Variants in SULT4A1 observed in about 807,000 individuals in gnomAD.
The protein encoded by SULT4A1 is sulfotransferase 4A1.
In SULT4A1, 11 loss-of-function variants were observed where a neutral mutation model predicts 35.2. The ratio of observed to expected loss-of-function variants is 0.31; its 90% CI spans 0.20 to 0.52. The LOEUF (loss-of-function observed/expected upper bound fraction) is 0.52, where lower values mean the gene tolerates loss of function less well. SULT4A1 is among the 20% of genes least tolerant of loss of function. The pLI is 0.97. For missense variants in SULT4A1, 271 were observed against 383.7 expected, an observed-to-expected ratio of 0.71 and a Z score of 2.45; for synonymous variants, 152 against 151.8, an observed-to-expected ratio of 1.00 and a Z score of -0.01.
chr22:43,834,056 A>G (rs1388204637), intron 4 of SULT4A1, among the ~76,000 whole-genome samples: 2 of 152,150 alleles, frequency 1.3e-5, no homozygotes, highest in African/African-American at 4.8e-5. Context: ...GAAGCCCTGG[A>G]ACAAAGCCCA....
At chr22:43,850,988 A>T (rs2063506957) in intron 1 of SULT4A1, among the ~76,000 whole-genome samples, 1 of 151,978 alleles carries the variant, frequency 6.6e-6, no homozygotes. Flanking sequence ...AGCTCTGAAC[A>T]TTCTGAAAAT....
At chr22:43,829,985 T>C (rs1233728006) in intron 5 of SULT4A1, among the ~76,000 whole-genome samples, 1 of 152,200 alleles carries the variant, frequency 6.6e-6, no homozygotes, top group Non-Finnish European at 1.5e-5. Context: ...TTCGGAAACC[T>C]TAAAAGACAA....
rs549718900 is a variant in SULT4A1 at position 43,854,614 on chromosome 22, T to TG, written c.169+7599dup. 5.3e-5 allele frequency among the ~76,000 whole-genome samples: 8 copies of TG among 152,284 alleles called. No individual in the cohort carries two copies. In the South Asian group the frequency reaches 1.7e-3, roughly 32 times the overall value. On this transcript the variant is annotated intron_variant, in intron 1 of 6. Transcript: ENST00000330884. ...GCTTCTGACCTCAAGCACCTGCACC[T>TG]GCTTCCCACCTGGCCACAGAGGAAC...
chr22:43,859,315 C>T (rs1398014484), intron 1 of SULT4A1, among the ~76,000 whole-genome samples: 1 of 152,238 alleles, frequency 6.6e-6, no homozygotes, highest in Non-Finnish European at 1.5e-5. Flanking sequence ...AACCAGGTGG[C>T]TCACCCACGC....
At chr22:43,861,956 A>G (rs1393247490) in intron 1 of SULT4A1, among the ~76,000 whole-genome samples, 1 of 152,180 alleles carries the variant, frequency 6.6e-6, no homozygotes, top group African/African-American at 2.4e-5. Context: ...AATAGGCTCC[A>G]TCTCCACGGA....
At position 43,841,902 on chromosome 22, in the gene SULT4A1, A is replaced by G; in HGVS notation, c.200T>C (p.Leu67Ser). 1 of 1,613,672 alleles carries G rather than the reference A, an allele frequency of 6.2e-7. No individual in the cohort carries two copies. Among genetic ancestry groups the G allele is most frequent in the Non-Finnish European group, 8.5e-7 (1 of 1,179,752 alleles). Reference protein sequence around the residue: ...GTSLLQEVVYLVSQGADPDEI... With the variant: ...GTSLLQEVVYSVSQGADPDEI... ...ATCGGGGTCAGCGCCCTGGCTCACC[A>G]AGTAGACCACCTCCTGCAGCAAGCT... is the stretch of plus-strand genomic sequence containing the variant. Residue 67 changes from leucine to serine, a missense_variant, in exon 2 of 7, where the codon TTG becomes TCG. Transcript: ENST00000330884.
chr22:43,835,804 G>C (rs1413160961), intron 4 of SULT4A1, among the ~76,000 whole-genome samples: 1 of 152,230 alleles, frequency 6.6e-6, no homozygotes, highest in African/African-American at 2.4e-5. Flanking sequence ...GGGAAATAGT[G>C]TGAGGACTCT....
At chr22:43,841,713 A>C in intron 2 of SULT4A1, 89 bp downstream of exon 2, 1 of 1,534,432 alleles carries the variant, frequency 6.5e-7, no homozygotes. Flanking sequence ...TAATCCACAG[A>C]GCCCCCAGGA....
intron 6 of SULT4A1, chr22:43,827,451 T>C: frequency 8.1e-7 from 1 of 1,229,290 alleles, no homozygotes; most frequent in Non-Finnish European, 1.0e-6. Flanking sequence ...GCAACCAAAC[T>C]ATTTTTCCAT....
rs577077122 is a variant in SULT4A1 at position 43,832,712 on chromosome 22, G to A, written c.603+928C>T. On this transcript the variant is annotated intron_variant, in intron 5 of 6. Coordinates refer to ENST00000330884, the MANE Select transcript of SULT4A1 (RefSeq NM_014351.4). ...CACAAGGCACAGCCCCCACCCCAGC[G>A]CCATAGGGGACCTCGTGTGGCTCTG... Among the ~76,000 whole-genome samples the A allele has an allele frequency of 3.9e-5, 6 of 152,176 alleles. No individual in the cohort carries two copies. In the South Asian group the frequency reaches 1.2e-3, roughly 32 times the overall value.
chr22:43,862,140 C>T (rs1301555616), intron 1 of SULT4A1, 74 bp downstream of exon 1: 5 of 1,212,936 alleles, frequency 4.1e-6, no homozygotes, highest in Non-Finnish European at 5.2e-6. Flanking sequence ...GCCCCGGGCG[C>T]GGGCGCGGCG....
intron 1 of SULT4A1, among the ~76,000 whole-genome samples, 198 bp downstream of exon 1, chr22:43,862,016 A>G (rs2148314548): frequency 6.6e-6 from 1 of 152,244 alleles, no homozygotes; most frequent in South Asian, 2.1e-4. Flanking sequence ...GATGAGAACC[A>G]AGCCCCTTCC....
intron 1 of SULT4A1, among the ~76,000 whole-genome samples, chr22:43,850,629 G>A (rs1271943663): frequency 6.6e-6 from 1 of 152,142 alleles, no homozygotes; most frequent in African/African-American, 2.4e-5. Context: ...CTGAGTGAAC[G>A]GCCTGGCATG....
At chr22:43,860,577 G>A (rs1260249151) in intron 1 of SULT4A1, among the ~76,000 whole-genome samples, 3 of 152,100 alleles carry the variant, frequency 2.0e-5, no homozygotes, top group South Asian at 4.1e-4. Context: ...CCGCAAAACT[G>A]CATTCAAACC....
At chr22:43,850,352 G>A (rs1375156814) in intron 1 of SULT4A1, among the ~76,000 whole-genome samples, 1 of 152,224 alleles carries the variant, frequency 6.6e-6, no homozygotes, top group Non-Finnish European at 1.5e-5. Flanking sequence ...GTCGCAGCAC[G>A]ATTTTGGATT....
intron 5 of SULT4A1, among the ~76,000 whole-genome samples, chr22:43,831,778 C>T (rs1211851060): frequency 6.6e-6 from 1 of 152,250 alleles, no homozygotes; most frequent in Non-Finnish European, 1.5e-5. Context: ...ACCGCGGTGG[C>T]CTCTGGGAAG....
intron 6 of SULT4A1, chr22:43,826,476 T>C: frequency 1.0e-6 from 1 of 985,318 alleles, no homozygotes; most frequent in African/African-American, 1.7e-5. Flanking sequence ...GTGGCAGGTG[T>C]TTAATAAACA....
At chr22:43,853,255 C>T (rs966136303) in intron 1 of SULT4A1, among the ~76,000 whole-genome samples, 2 of 152,186 alleles carry the variant, frequency 1.3e-5, no homozygotes, top group African/African-American at 2.4e-5. Flanking sequence ...AACAGGGCCA[C>T]GTCCCATGTG....
At chr22:43,855,797 C>T (rs1019247773) in intron 1 of SULT4A1, among the ~76,000 whole-genome samples, 3 of 89,156 alleles carry the variant, frequency 3.4e-5, no homozygotes, top group African/African-American at 5.2e-5. Flanking sequence ...AAAGAGCTGC[C>T]CCCACACTAA....
Sources: gnomAD v4.1 joint callset for allele counts (sites outside exome capture counted in the v4.1 genomes callset) on GRCh38, gnomAD v4.1.1 for gene constraint, MANE v1.5 for transcripts, NCBI Gene and HGNC (gene_info 2026-07-23, HGNC 2026-07-21) for gene names.